ANKRD44: variants seen among roughly 807,000 people sequenced by gnomAD.
ANKRD44 encodes the protein serine/threonine-protein phosphatase 6 regulatory ankyrin repeat subunit B.
ANKRD44 carries 35 observed loss-of-function variants against 116.0 expected under a neutral mutation model. The ratio of observed to expected loss-of-function variants is 0.30; its 90% confidence interval spans 0.23 to 0.40. The LOEUF (loss-of-function observed/expected upper bound fraction) is 0.40. ANKRD44 is among the 10% of genes least tolerant of loss of function. The pLI is 1.00. For synonymous variants in ANKRD44, 435 were observed against 461.8 expected, an observed-to-expected ratio of 0.94 and a Z score of 0.74; for missense variants, 1,014 against 1,242.6, an observed-to-expected ratio of 0.82 and a Z score of 2.77.
chr2:197,081,584 T>C (rs2077796678), intron 15 of ANKRD44, 61 bp downstream of exon 15: 1 of 1,494,392 alleles, frequency 6.7e-7, no homozygotes. Context: ...ACGTGGCAAC[T>C]CAGAAAAGCA....
intron 17 of ANKRD44, among the ~76,000 whole-genome samples, chr2:197,017,673 G>T (rs2076417846): frequency 6.6e-6 from 1 of 152,196 alleles, no homozygotes; most frequent in South Asian, 2.1e-4. Context: ...GTTCCCACTT[G>T]AATGTGTAAT....
chr2:197,242,777 C>G (rs897589208), intron 1 of ANKRD44, among the ~76,000 whole-genome samples: 1 of 152,200 alleles, frequency 6.6e-6, no homozygotes, highest in African/African-American at 2.4e-5. Context: ...CTTTTATTTA[C>G]CTGGGCCTCA....
intron 1 of ANKRD44, among the ~76,000 whole-genome samples, chr2:197,305,967 T>TATATATATATATATA (rs2084057380): frequency 4.8e-5 from 6 of 124,736 alleles, no homozygotes; most frequent in African/African-American, 1.8e-4. Flanking sequence ...GCAGTTCGTT[T>TATATATATATATATA]TATATATATA....
intron 1 of ANKRD44, among the ~76,000 whole-genome samples, chr2:197,191,873 A>G (rs1290920252): frequency 1.3e-5 from 2 of 152,240 alleles, no homozygotes; most frequent in African/African-American, 2.4e-5. Context: ...GGTTTTAGAA[A>G]TAAGAATAAA....
At chr2:197,194,478 G>T (rs544615465) in intron 1 of ANKRD44, among the ~76,000 whole-genome samples, 6 of 152,300 alleles carry the variant, frequency 3.9e-5, no homozygotes, top group Admixed American at 6.5e-5. Context: ...GTTTGGAGCT[G>T]TGACGAAGTC....
Position 197,078,766 on chromosome 2 carries a change from G to C in ANKRD44, c.1587C>G (p.Asp529Glu). 1 of 1,613,028 alleles carries C rather than the reference G, an allele frequency of 6.2e-7. No individual in the cohort carries two copies. The change falls in exon 16 of 28, where the codon GAC becomes GAG. Residue 529 changes from aspartate (D) to glutamate (E), a missense_variant. By Grantham distance (45) the Asp-to-Glu change is conservative (BLOSUM62 2). Transcript: ENST00000282272. ...LQNDANPSIR[D>E]KEGYNSIHYA... is the part of the protein sequence containing the mutation. ...AATGTATGCTATTGTAACCTTCCTT[G>C]TCCCGGATAGATGGATTTGCATCAT...
intron 16 of ANKRD44, among the ~76,000 whole-genome samples, chr2:197,053,708 C>T (rs1419756216): frequency 6.6e-6 from 1 of 152,204 alleles, no homozygotes; most frequent in East Asian, 1.9e-4. Context: ...GTCATGAACT[C>T]CTCACCTCAG....
At chr2:197,293,641 T>G (rs1266577285) in intron 1 of ANKRD44, among the ~76,000 whole-genome samples, 1 of 152,152 alleles carries the variant, frequency 6.6e-6, no homozygotes, top group Non-Finnish European at 1.5e-5. Flanking sequence ...TGGGAAAGCC[T>G]TAGTATTTCA....
rs542095966 is a variant in ANKRD44, at chr2:197,141,249, GA to G, written c.191-4588del. ...TACATACATACATACAAATCTGATT[GA>G]AAAAAAGAGCATCTCTTTGTTTTAG... On this transcript the variant is annotated intron_variant, in intron 3 of 27. Coordinates refer to ENST00000282272, the MANE Select transcript of ANKRD44 (RefSeq NM_001195144.2). 1.9e-4 allele frequency among the ~76,000 whole-genome samples: 29 copies of G among 151,856 alleles called. No individual in the cohort carries two copies. In the South Asian group the frequency reaches 5.8e-3, roughly 30 times the overall value.
chr2:197,029,172 T>C (rs1461257959), intron 16 of ANKRD44: 1 of 193,288 alleles, frequency 5.2e-6, no homozygotes, highest in Non-Finnish European at 1.0e-5. Flanking sequence ...ATGTTCCCCT[T>C]CCCATGTCCA....
intron 1 of ANKRD44, among the ~76,000 whole-genome samples, chr2:197,222,691 A>G (rs1424055433): frequency 6.6e-6 from 1 of 151,994 alleles, no homozygotes; most frequent in Admixed American, 6.5e-5. Flanking sequence ...CAATCCGATC[A>G]CTTCATGTTC....
At chr2:197,220,009 A>G (rs1358905305) in intron 1 of ANKRD44, among the ~76,000 whole-genome samples, 1 of 152,232 alleles carries the variant, frequency 6.6e-6, no homozygotes, top group Non-Finnish European at 1.5e-5. Context: ...TAATTTATTA[A>G]AAGTTTAATT....
In ANKRD44 at chr2:197,008,967, G is replaced by T. The variant is rs752248123; in HGVS notation, c.1989C>A (p.Val663=). 7 of 1,613,926 alleles carry T rather than the reference G, an allele frequency of 4.3e-6. No individual in the cohort carries two copies. The highest frequency in any genetic ancestry group is 1.1e-5 in the South Asian group (1 of 91,048). ...LLEIADNPEA[V]DVKDAKGQTP... is the part of the protein sequence containing the mutation. Reference sequence around the variant, plus strand: ...ACTGTCCTTTGGCATCTTTCACATCGACCGCCTCCGGGTTGTCTGCAATTT... The same window carrying T: ...ACTGTCCTTTGGCATCTTTCACATCTACCGCCTCCGGGTTGTCTGCAATTT... Residue 663 remains valine (V), a synonymous_variant, in exon 19 of 28, where the codon GTC becomes GTA. Transcript: ENST00000282272.
rs1429099271 is a variant in ANKRD44, at chr2:197,059,005, T to A, written c.1650+19698A>T. ...TGAGAGCTATTCTTAAATTTAAGAG[T>A]TACCTCTTTTAATCAACAATAATTT... On this transcript the variant is annotated intron_variant, in intron 16 of 27. Transcript: ENST00000282272. 9.1e-5 allele frequency among the ~76,000 whole-genome samples: 12 copies of A among 131,978 alleles called. No individual in the cohort carries two copies. The East Asian group carries it at 2.4e-3, about 26-fold the overall frequency. The allele number at this position is 131,978 out of a possible 152,430, so 86.6% of individuals were successfully genotyped here. A position where few individuals can be genotyped will look rare whatever the true frequency, so the allele number is the denominator to read the frequency against.
At chr2:196,967,468 G>T (rs1233408471) in intron 21 of ANKRD44, 1 of 461,206 alleles carries the variant, frequency 2.2e-6, no homozygotes, top group Admixed American at 2.4e-5. Flanking sequence ...TTTAAAAAAA[G>T]AAAAGAAAAG....
chr2:197,022,125 T>G (rs13000710), intron 17 of ANKRD44, among the ~76,000 whole-genome samples: 120,068 of 152,128 alleles, frequency 0.79, 50,095 homozygotes, highest in East Asian at 0.97. Flanking sequence ...CACTGCTAGA[T>G]GGCTTCCACC....
chr2:197,273,276 G>C, intron 1 of ANKRD44, among the ~76,000 whole-genome samples: 1 of 152,128 alleles, frequency 6.6e-6, no homozygotes, highest in Middle Eastern at 3.2e-3. Flanking sequence ...TAGACAACAA[G>C]CTCCTACAAA....
chr2:197,289,231 A>G (rs1403250798), intron 1 of ANKRD44, among the ~76,000 whole-genome samples: 2 of 152,236 alleles, frequency 1.3e-5, no homozygotes. Flanking sequence ...ACATTACTAC[A>G]TAAATATTAG....
At chr2:197,129,613 T>C (rs1305916699) in intron 4 of ANKRD44, among the ~76,000 whole-genome samples, 1 of 152,210 alleles carries the variant, frequency 6.6e-6, no homozygotes, top group African/African-American at 2.4e-5. Flanking sequence ...TCATGGGATG[T>C]CATATGGGAG....
Sources: gnomAD v4.1 joint callset for allele counts (sites outside exome capture counted in the v4.1 genomes callset) on GRCh38, gnomAD v4.1.1 for gene constraint, MANE v1.5 for transcripts, NCBI Gene and HGNC (gene_info 2026-07-23, HGNC 2026-07-21) for gene names.